The following PTPN4 variants were observed in gnomAD, a reference collection of about 807,000 sequenced individuals.
The protein encoded by PTPN4 is tyrosine-protein phosphatase non-receptor type 4.
In PTPN4, 49 loss-of-function variants were observed where a neutral mutation model predicts 135.5. The observed-to-expected ratio is 0.36, with a 90% confidence interval of 0.29 to 0.46. The LOEUF is 0.46. Among genes scored for constraint, PTPN4 ranks in the 20% least tolerant of loss-of-function variants. The pLI, the probability that PTPN4 is intolerant of heterozygous loss-of-function variation, is 1.00. For missense variants in PTPN4, 860 were observed against 1,101.0 expected, an observed-to-expected ratio of 0.78 and a Z score of 3.10; for synonymous variants, 333 against 369.9, an observed-to-expected ratio of 0.90 and a Z score of 1.14.
chr2:119,957,190 A>T, intron 22 of PTPN4, 113 bp downstream of exon 22: 1 of 966,484 alleles, frequency 1.0e-6, no homozygotes, highest in Non-Finnish European at 1.5e-6. Flanking sequence ...ACTTTCAGCT[A>T]TGAAAAATAT....
intron 10 of PTPN4, among the ~76,000 whole-genome samples, chr2:119,901,255 A>T (rs1313260232): frequency 6.6e-6 from 1 of 152,180 alleles, no homozygotes; most frequent in Non-Finnish European, 1.5e-5. Flanking sequence ...CCACTAAACC[A>T]CTAAGACCTA....
At chr2:119,827,121 C>T (rs532443974) in intron 2 of PTPN4, among the ~76,000 whole-genome samples, 3 of 152,228 alleles carry the variant, frequency 2.0e-5, no homozygotes, top group South Asian at 2.1e-4. Context: ...TGTCTGTAGC[C>T]GTACCCCTAT....
chr2:119,892,094 G>A (rs536319373), intron 9 of PTPN4, among the ~76,000 whole-genome samples: 1 of 152,218 alleles, frequency 6.6e-6, no homozygotes, highest in East Asian at 1.9e-4. Flanking sequence ...CATTCTGTGG[G>A]GCAAGAAACA....
At chr2:119,821,619 T>C (rs1417760309) in intron 2 of PTPN4, among the ~76,000 whole-genome samples, 2 of 152,236 alleles carry the variant, frequency 1.3e-5, no homozygotes, top group African/African-American at 4.8e-5. Flanking sequence ...AGGCACTTGA[T>C]ACATTAAATA....
intron 1 of PTPN4, among the ~76,000 whole-genome samples, chr2:119,802,206 T>G (rs191376038): frequency 1.9e-3 from 282 of 152,308 alleles, no homozygotes; most frequent in Non-Finnish European, 3.3e-3. Context: ...GCTCCTCCTT[T>G]TTTTAACCTC....
Position 119,977,122 on chromosome 2 carries a change from C to A in PTPN4, c.*52C>A. On this transcript the variant is annotated 3_prime_UTR_variant, in exon 27 of 27. Coordinates refer to ENST00000263708, the MANE Select transcript of PTPN4 (RefSeq NM_002830.4). ...TTGGAAAACTGCTTTCCCTTATGTT[C>A]ACTGTGCCATAATGCTGCTCGCAGG... 6.5e-7 allele frequency: 1 copy of A among 1,534,278 alleles called. No homozygotes were observed. Among genetic ancestry groups the A allele is most frequent in the South Asian group, 1.3e-5 (1 of 77,782 alleles).
chr2:119,955,855 T>G (rs1679273501), intron 20 of PTPN4, among the ~76,000 whole-genome samples: 1 of 151,986 alleles, frequency 6.6e-6, no homozygotes, highest in Non-Finnish European at 1.5e-5. Flanking sequence ...GAGAATGGCG[T>G]GAACCTGGGA....
At chr2:119,972,204 A>G (rs1333762431) in intron 26 of PTPN4, among the ~76,000 whole-genome samples, 3 of 151,090 alleles carry the variant, frequency 2.0e-5, no homozygotes, top group African/African-American at 4.8e-5. Flanking sequence ...CAGAATGTTC[A>G]TAGGGATTGG....
intron 1 of PTPN4, among the ~76,000 whole-genome samples, chr2:119,782,329 G>T (rs181949068): frequency 6.6e-6 from 1 of 152,074 alleles, no homozygotes; most frequent in Admixed American, 6.6e-5. Context: ...TGAGGCAGGA[G>T]AATTGCTTGA....
intron 5 of PTPN4, among the ~76,000 whole-genome samples, chr2:119,881,421 C>G (rs567561340): frequency 2.5e-4 from 38 of 152,290 alleles, no homozygotes; most frequent in Non-Finnish European, 4.4e-4. Context: ...GCATTGCTTA[C>G]AATGCTCTTC....
At chr2:119,761,968 T>C (rs1690515167) in intron 1 of PTPN4, among the ~76,000 whole-genome samples, 1 of 152,222 alleles carries the variant, frequency 6.6e-6, no homozygotes, top group South Asian at 2.1e-4. Flanking sequence ...AGGTATTGAA[T>C]TGAGTCAAAC....
At position 119,982,531 on chromosome 2, in the gene PTPN4, C is replaced by A. The variant is rs911970607; in HGVS notation, c.*5461C>A. 2.6e-5 allele frequency: 4 copies of A among 152,076 alleles called. No individual in the cohort carries two copies. In the East Asian group the frequency reaches 7.7e-4, roughly 29 times the overall value. The allele number at this position is 152,076 out of a possible 1,614,324, so 9.4% of individuals were successfully genotyped here. A position where few individuals can be genotyped will look rare whatever the true frequency, so the allele number is the denominator to read the frequency against. On this transcript the variant is annotated 3_prime_UTR_variant, in exon 27 of 27. Transcript: ENST00000263708. ...AGCATTTTCAGATATAATGTACATT[C>A]TTTTTCATTTTGCTTTGCCTCTAGA...
At chr2:119,972,410 ATTGTTTCCT>A (rs1237736514) in intron 26 of PTPN4, among the ~76,000 whole-genome samples, 2 of 152,130 alleles carry the variant, frequency 1.3e-5, no homozygotes, top group Admixed American at 6.5e-5. Flanking sequence ...TGTAAATGGA[ATTGTTTCCT>A]TTATTAACCA....
At chr2:119,889,109 C>G (rs1423317717) in intron 9 of PTPN4, among the ~76,000 whole-genome samples, 1 of 152,098 alleles carries the variant, frequency 6.6e-6, no homozygotes, top group African/African-American at 2.4e-5. Flanking sequence ...AGTTTGTCAG[C>G]TTGTAGTTGT....
At chr2:119,894,166 C>T (rs1489493992) in intron 9 of PTPN4, among the ~76,000 whole-genome samples, 3 of 152,096 alleles carry the variant, frequency 2.0e-5, no homozygotes, top group African/African-American at 7.2e-5. Context: ...GTATTAAGAG[C>T]CAATTTATAG....
chr2:119,837,800 C>T (rs1358669632), intron 2 of PTPN4, among the ~76,000 whole-genome samples: 7 of 152,226 alleles, frequency 4.6e-5, no homozygotes, highest in Non-Finnish European at 1.0e-4. Context: ...CACCGTGTTC[C>T]CCTCATCTAG....
rs1366276778 is a variant in PTPN4 at position 119,809,869 on chromosome 2, C to T, written c.16C>T (p.Arg6Ter). The change falls in exon 2 of 27, where the codon CGA (arginine) becomes TGA (stop). Residue 6 changes from arginine (R) to a stop codon, truncating the protein, a stop_gained. Transcript: ENST00000263708. LOFTEE classifies it high-confidence loss of function. ...GTGGACAGTAATGACCTCACGTTTC[C>T]GATTGCCTGCTGGCAGAACCTACAA... MTSRF[R>*]LPAGRTYNVR... 2.5e-6 allele frequency: 4 copies of T among 1,609,634 alleles called. No individual in the cohort carries two copies. Among genetic ancestry groups the T allele is most frequent in the Non-Finnish European group, 3.4e-6 (4 of 1,178,836 alleles).
chr2:119,890,120 T>C (rs1449942882), intron 9 of PTPN4, among the ~76,000 whole-genome samples: 1 of 152,184 alleles, frequency 6.6e-6, no homozygotes, highest in Non-Finnish European at 1.5e-5. Context: ...AGTCCCCTAC[T>C]ATTATTGTAT....
At chr2:119,887,754 G>A (rs925538939) in intron 9 of PTPN4, among the ~76,000 whole-genome samples, 1 of 152,130 alleles carries the variant, frequency 6.6e-6, no homozygotes, top group Non-Finnish European at 1.5e-5. Context: ...TTTTATATCA[G>A]TACCATGCTG....
Sources: allele counts gnomAD v4.1 joint callset (sites outside exome capture counted in the v4.1 genomes callset), GRCh38; gene constraint gnomAD v4.1.1; transcripts MANE v1.5; gene names NCBI Gene and HGNC (gene_info 2026-07-23, HGNC 2026-07-21).